Variants in FCRL5 observed in about 807,000 individuals in gnomAD.
The protein encoded by FCRL5 is Fc receptor like 5.
FCRL5 carries 79 observed loss-of-function variants against 92.1 expected under a neutral mutation model. The ratio of observed to expected loss-of-function variants is 0.86; its 90% CI spans 0.72 to 1.03. FCRL5 has a LOEUF of 1.03. Among genes scored for constraint, FCRL5 ranks in the 50% least tolerant of loss-of-function variants. FCRL5 has a pLI of 0.00. For missense variants in FCRL5, 1,160 were observed against 1,181.1 expected (o/e 0.98, Z 0.26); for synonymous variants, 466 against 469.3 (o/e 0.99, Z 0.09).
chr1:157,545,821 C>T (rs1420721482), intron 3 of FCRL5, among the ~76,000 whole-genome samples: 1 of 152,190 alleles, frequency 6.6e-6, no homozygotes, highest in Non-Finnish European at 1.5e-5. Flanking sequence ...AGCCACCGCG[C>T]CTGGCCAGGT....
At chr1:157,546,916 G>A in intron 3 of FCRL5, 27 bp downstream of exon 3, 2 of 1,602,182 alleles carry the variant, frequency 1.2e-6, no homozygotes, top group Non-Finnish European at 1.7e-6. Context: ...GATTTCTAAA[G>A]TTGGTGCGTC....
At chr1:157,546,898 G>A (rs769020494) in intron 3 of FCRL5, 45 bp downstream of exon 3, 16 of 1,592,912 alleles carry the variant, frequency 1.0e-5, no homozygotes, top group Non-Finnish European at 8.6e-7. Context: ...AGAAACATGG[G>A]CTGAATTGAT....
chr1:157,537,254 A>G (rs1651009504), intron 7 of FCRL5, among the ~76,000 whole-genome samples: 1 of 152,188 alleles, frequency 6.6e-6, no homozygotes, highest in African/African-American at 2.4e-5. Flanking sequence ...TCAGCAAGGA[A>G]CATCCCTGAG....
chr1:157,519,539 A>G (rs1571073777), intron 13 of FCRL5, among the ~76,000 whole-genome samples: 1 of 152,292 alleles, frequency 6.6e-6, no homozygotes, highest in Middle Eastern at 3.4e-3. Context: ...TGATGAGATA[A>G]CAGCCTATAC....
At chr1:157,537,860 C>A (rs1651043667) in intron 7 of FCRL5, among the ~76,000 whole-genome samples, 1 of 152,198 alleles carries the variant, frequency 6.6e-6, no homozygotes, top group East Asian at 1.9e-4. Context: ...ATTGTTTTCT[C>A]ACTTTCCAAC....
intron 8 of FCRL5, among the ~76,000 whole-genome samples, chr1:157,528,986 T>C (rs550415889): frequency 1.3e-5 from 2 of 152,340 alleles, no homozygotes; most frequent in African/African-American, 4.8e-5. Flanking sequence ...TAAAAGCTTC[T>C]GCACAGCAAA....
In FCRL5 at chr1:157,513,915, C is replaced by T. The variant is rs1649815846; in HGVS notation, c.*1760G>A. ...TCAACTAGGCCTAAAAAAGCGGCCT[C>T]GGTGGGAATGCATTTCTCTTGCTCC... On this transcript the variant is annotated 3_prime_UTR_variant, in exon 17 of 17. Coordinates refer to ENST00000361835, the MANE Select transcript of FCRL5 (RefSeq NM_031281.3). 1 of 152,306 alleles carries T rather than the reference C, an allele frequency of 6.6e-6. No homozygotes were observed. Among genetic ancestry groups the T allele is most frequent in the Non-Finnish European group, 1.5e-5 (1 of 68,036 alleles). The allele number at this position is 152,306 out of a possible 1,614,324, so 9.4% of individuals were successfully genotyped here. A position where few individuals can be genotyped will look rare whatever the true frequency, so the allele number is the denominator to read the frequency against.
rs756821989 is a variant in FCRL5 at position 157,545,017 on chromosome 1, C to T, written c.373G>A (p.Ala125Thr). ...TTATTCAGTGTTACTTCCGCCTTTG[C>T]CCGGCACCTCAGAACCACAGAGTCT... ...EGDSVVLRCR[A>T]KAEVTLNNTI... is the part of the protein sequence containing the mutation. The change falls in exon 4 of 17, where the codon GCA becomes ACA. Residue 125 changes from alanine to threonine, a missense_variant. By Grantham distance (58) the Ala-to-Thr change is moderately conservative. Coordinates refer to ENST00000361835, the MANE Select transcript of FCRL5 (RefSeq NM_031281.3). 5 of 1,613,564 alleles carry T rather than the reference C, an allele frequency of 3.1e-6. No individual in the cohort carries two copies. The highest frequency in any genetic ancestry group is 3.3e-5 in the Admixed American group (2 of 60,022).
At chr1:157,535,821 C>T (rs1164518261) in intron 7 of FCRL5, among the ~76,000 whole-genome samples, 16 of 151,960 alleles carry the variant, frequency 1.1e-4, no homozygotes, top group Admixed American at 5.2e-4. Context: ...ACTGAGGCCC[C>T]GAGTGGTTGA....
At chr1:157,534,381 CAATA>C in intron 8 of FCRL5, 4 of 718,190 alleles carry the variant, frequency 5.6e-6, no homozygotes, top group South Asian at 3.0e-5. Flanking sequence ...GGAGAAAATA[CAATA>C]AATAAATTCA....
At chr1:157,515,977 C>A in intron 15 of FCRL5, 104 bp from the exon 16 acceptor site, 1 of 1,275,536 alleles carries the variant, frequency 7.8e-7, no homozygotes, top group Admixed American at 1.9e-5. Context: ...GCCCGCTCTC[C>A]CTCTGTGCGG....
chr1:157,526,692 T>G (rs1210000397), intron 9 of FCRL5, among the ~76,000 whole-genome samples: 1 of 152,154 alleles, frequency 6.6e-6, no homozygotes, highest in African/African-American at 2.4e-5. Flanking sequence ...GATACAGAGC[T>G]AGACACTCAA....
rs1650092471 is a variant in FCRL5 at position 157,519,750 on chromosome 1, G to A, written c.2653C>T (p.Pro885Ser). The change falls in exon 13 of 17, where the codon CCC (proline) becomes TCC (serine). Residue 885 changes from proline to serine, a missense_variant. By Grantham distance (74) the Pro-to-Ser change is moderately conservative. Coordinates refer to ENST00000361835, the MANE Select transcript of FCRL5 (RefSeq NM_031281.3). The stretch of plus-strand genomic sequence containing the variant: ...ATGCAGCTCAGCTCTTACCTGGCGG[G>A]GTCAGAGGCAGGCTTTCTCCCTGTA... The part of the protein sequence containing the change: ...RKAGRKPASD[P>S]ARSPSDSDSQ... The A allele has an allele frequency of 6.2e-7, 1 of 1,614,040 alleles. No homozygotes were observed. Among genetic ancestry groups the A allele is most frequent in the Non-Finnish European group, 8.5e-7 (1 of 1,179,984 alleles).
At chr1:157,552,219 T>G in intron 1 of FCRL5, 113 bp downstream of exon 1, 1 of 1,024,780 alleles carries the variant, frequency 9.8e-7, no homozygotes, top group Non-Finnish European at 1.5e-6. Flanking sequence ...AGTCTCCTAA[T>G]GTAGGAGAGA....
At chr1:157,542,737 GA>G (rs1651324722) in intron 6 of FCRL5, 121 bp downstream of exon 6, 2 of 1,184,696 alleles carry the variant, frequency 1.7e-6, no homozygotes, top group African/African-American at 3.1e-5. Flanking sequence ...AGTGGAGGAG[GA>G]CATTAGGTTT....
At chr1:157,529,679 A>G (rs1443040278) in intron 8 of FCRL5, among the ~76,000 whole-genome samples, 1 of 152,218 alleles carries the variant, frequency 6.6e-6, no homozygotes, top group Non-Finnish European at 1.5e-5. Flanking sequence ...AGCAACCTAG[A>G]TGGAGTTGGA....
intron 3 of FCRL5, among the ~76,000 whole-genome samples, chr1:157,545,729 A>C (rs6683708): frequency 0.38 from 57,026 of 151,590 alleles, 12,848 homozygotes; most frequent in African/African-American, 0.64. Context: ...GGGGTTTCAT[A>C]GTGTTAGCCA....
At chr1:157,549,750 A>G (rs945686875) in intron 1 of FCRL5, among the ~76,000 whole-genome samples, 170 bp from the exon 2 acceptor site, 5 of 152,086 alleles carry the variant, frequency 3.3e-5, no homozygotes, top group African/African-American at 4.8e-5. Context: ...ATATACATAT[A>G]TATACATATA....
At chr1:157,518,920 T>C (rs1650058290) in intron 13 of FCRL5, 138 bp from the exon 14 acceptor site, 1 of 596,234 alleles carries the variant, frequency 1.7e-6, no homozygotes, top group South Asian at 2.5e-5. Flanking sequence ...AAACTGACCA[T>C]GGGCATTCTA....
Sources: allele counts gnomAD v4.1 joint callset (sites outside exome capture counted in the v4.1 genomes callset), GRCh38; gene constraint gnomAD v4.1.1; transcripts MANE v1.5; gene names NCBI Gene and HGNC (gene_info 2026-07-23, HGNC 2026-07-21).